The following LEPR variants were observed in gnomAD, a reference collection of about 807,000 sequenced individuals.
LEPR encodes the protein leptin receptor.
Under a neutral mutation model 114.7 loss-of-function variants are expected in LEPR, and 56 were observed. The observed-to-expected ratio is 0.49, with a 90% CI of 0.39 to 0.61. The LOEUF (loss-of-function observed/expected upper bound fraction) is 0.61, where lower values mean the gene tolerates loss of function less well. Ranked by LOEUF, LEPR falls within the 20% of genes least tolerant of loss-of-function variation. LEPR has a pLI of 0.00. For synonymous variants in LEPR, 443 were observed against 461.4 expected (o/e 0.96, Z 0.51); for missense variants, 1,202 against 1,352.9 (o/e 0.89, Z 1.75).
At position 65,592,779 on chromosome 1, in the gene LEPR, A is replaced by T. The variant is rs375719610; in HGVS notation, c.617A>T (p.Asn206Ile). 2 of 1,613,400 alleles carry T rather than the reference A, an allele frequency of 1.2e-6. No individual in the cohort carries two copies. Among genetic ancestry groups the T allele is most frequent in the African/African-American group, 2.7e-5 (2 of 75,000 alleles). Reference sequence around the variant, plus strand: ...GTGCCTGTGCCAACAGCCAAACTCAACGACACTCTCCTTATGTGTTTGAAA... The same window carrying T: ...GTGCCTGTGCCAACAGCCAAACTCATCGACACTCTCCTTATGTGTTTGAAA... Reference protein sequence around the residue: ...CLVPVPTAKLNDTLLMCLKIT... With the variant: ...CLVPVPTAKLIDTLLMCLKIT... The change falls in exon 6 of 20, where the codon AAC (asparagine) becomes ATC (isoleucine). Residue 206 changes from asparagine to isoleucine, a missense_variant. Coordinates refer to ENST00000349533, the MANE Select transcript of LEPR (RefSeq NM_002303.6).
At chr1:65,632,205 C>T (rs1658550470) in intron 19 of LEPR, among the ~76,000 whole-genome samples, 1 of 152,116 alleles carries the variant, frequency 6.6e-6, no homozygotes, top group Non-Finnish European at 1.5e-5. Context: ...AGAAGCATCC[C>T]TAAAGTTGCT....
intron 3 of LEPR, among the ~76,000 whole-genome samples, chr1:65,567,679 A>G (rs146269044): frequency 9.3e-4 from 142 of 152,276 alleles, no homozygotes; most frequent in African/African-American, 3.1e-3. Context: ...TTCACTGATA[A>G]TTGCTTTTGT....
Position 65,616,021 on chromosome 1 carries a change from A to C in LEPR, c.2009A>C (p.Asn670Thr), listed in dbSNP as rs1191502552. The change falls in exon 15 of 20, where the codon AAT becomes ACT. Residue 670 changes from asparagine (N) to threonine (T), a missense_variant. Asn to Thr is a moderately conservative substitution (Grantham distance 65). Transcript: ENST00000349533. ...TATTTACTACAGCCCCTGATGAAAA[A>C]TGACTCATTGTGCAGTGTTCAGAGA... The part of the protein sequence containing the change: ...VTLLWKPLMK[N>T]DSLCSVQRYV... 1 of 1,614,150 alleles carries C rather than the reference A, an allele frequency of 6.2e-7. No individual in the cohort carries two copies. Among genetic ancestry groups the C allele is most frequent in the Non-Finnish European group, 8.5e-7 (1 of 1,179,996 alleles).
intron 5 of LEPR, among the ~76,000 whole-genome samples, chr1:65,574,860 A>G (rs1570730890): frequency 1.3e-5 from 2 of 152,148 alleles, no homozygotes; most frequent in South Asian, 4.1e-4. Context: ...ATATGTACGG[A>G]TTTGGCAGTG....
At chr1:65,490,815 C>T (rs1018162877) in intron 2 of LEPR, among the ~76,000 whole-genome samples, 3 of 152,126 alleles carry the variant, frequency 2.0e-5, no homozygotes, top group Non-Finnish European at 4.4e-5. Context: ...GGTCTCCACC[C>T]TCTTGGATGA....
rs183659630 is a variant in LEPR at position 65,493,233 on chromosome 1, G to A, written c.-21+67855G>A. 2.6e-5 allele frequency among the ~76,000 whole-genome samples: 4 copies of A among 151,990 alleles called. No homozygotes were observed. In the East Asian group the frequency reaches 5.8e-4, roughly 22 times the overall value. ...TTTTTGTATTTTGTCGATTCTTCCC[G>A]GACGCTGCCAGTTTTTTGCCCATCT... On this transcript the variant is annotated intron_variant, in intron 2 of 19. Transcript: ENST00000349533.
rs906175815 is a variant in LEPR at position 65,452,028 on chromosome 1, C to G, written c.-21+26650C>G. ...AAGTTGGATTCCTAGGTATTTTATT[C>G]TCTTTGAAGCAATTGTGAATGGGAG... On this transcript the variant is annotated intron_variant, in intron 2 of 19. Transcript: ENST00000349533. Among the ~76,000 whole-genome samples, 10 of 151,090 alleles carry G rather than the reference C, an allele frequency of 6.6e-5. No homozygotes were observed. The East Asian group carries it at 7.8e-4, about 12-fold the overall frequency.
At chr1:65,521,383 T>C (rs1187286574) in intron 2 of LEPR, among the ~76,000 whole-genome samples, 4 of 152,220 alleles carry the variant, frequency 2.6e-5, no homozygotes, top group Non-Finnish European at 5.9e-5. Context: ...AGGCCCACCA[T>C]GATTATCTAG....
At chr1:65,617,545 A>G (rs925051539) in intron 15 of LEPR, among the ~76,000 whole-genome samples, 6 of 152,364 alleles carry the variant, frequency 3.9e-5, no homozygotes, top group South Asian at 2.1e-4. Context: ...CCTTGCAGGC[A>G]TGATAGGAAT....
chr1:65,495,231 A>G (rs1648092401), intron 2 of LEPR, among the ~76,000 whole-genome samples: 1 of 151,964 alleles, frequency 6.6e-6, no homozygotes. Flanking sequence ...AAAGCCAATA[A>G]CCCAAAAGAC....
rs55672943 is a variant in LEPR at position 65,518,873 on chromosome 1, TTTTCTTTC to T, written c.-20-46635_-20-46628del. On this transcript the variant is annotated intron_variant, in intron 2 of 19. Transcript: ENST00000349533. ...TTTTCTCTTTTCTTTCTTTCTTTCTTTTTCTTTCTTTCTTTCTTTCTTTCTTTCTTTCT... is the reference window on the plus strand; with the variant it reads ...TTTTCTCTTTTCTTTCTTTCTTTCTTTTTCTTTCTTTCTTTCTTTCTTTCT... Among the ~76,000 whole-genome samples the T allele has an allele frequency of 8.3e-3, 969 of 117,300 alleles. 9 individuals carry two copies. Among genetic ancestry groups the T allele is most frequent in the East Asian group, 0.023 (101 of 4,354 alleles). The allele number at this position is 117,300 out of a possible 152,430, so 77.0% of individuals were successfully genotyped here.
chr1:65,468,896 G>A lies in LEPR; in HGVS notation c.-21+43518G>A, dbSNP rs187039127. Among the ~76,000 whole-genome samples the A allele has an allele frequency of 1.8e-3, 281 of 152,314 alleles. 1 individual carries two copies. Among genetic ancestry groups the A allele is most frequent in the African/African-American group, 6.3e-3 (262 of 41,570 alleles). On this transcript the variant is annotated intron_variant, in intron 2 of 19. Transcript: ENST00000349533. ...GAGCTATGCTTAATAGGAGACACAA[G>A]CCTCAAATAGCAGAACAGCTGCTGC... is the stretch of plus-strand genomic sequence containing the variant.
chr1:65,628,005 G>T (rs1557705320), intron 19 of LEPR, among the ~76,000 whole-genome samples: 1 of 151,592 alleles, frequency 6.6e-6, no homozygotes, highest in Non-Finnish European at 1.5e-5. Flanking sequence ...CCTTCCCCTT[G>T]GTTTATATTA....
chr1:65,440,698 A>G (rs1194258163), intron 2 of LEPR, among the ~76,000 whole-genome samples: 1 of 152,016 alleles, frequency 6.6e-6, no homozygotes, highest in African/African-American at 2.4e-5. Context: ...GGGAGATAAG[A>G]TAATGTGTGT....
chr1:65,527,873 C>T (rs6697315), intron 2 of LEPR, among the ~76,000 whole-genome samples: 91,883 of 151,896 alleles, frequency 0.6, 28,665 homozygotes, highest in Middle Eastern at 0.74. Context: ...AACAGGGAAT[C>T]GTAGAACTCA....
intron 2 of LEPR, chr1:65,429,938 T>A (rs1488169996): frequency 1.3e-6 from 2 of 1,570,202 alleles, no homozygotes. Context: ...AAGAGTCACC[T>A]ATGACTCAGA....
At chr1:65,440,029 AAG>A (rs1208779198) in intron 2 of LEPR, among the ~76,000 whole-genome samples, 2 of 150,596 alleles carry the variant, frequency 1.3e-5, no homozygotes, top group African/African-American at 2.4e-5. Context: ...AAAAAAGAAA[AAG>A]AAAATTGACA....
Position 65,605,109 on chromosome 1 carries a change from G to A in LEPR, c.1475G>A (p.Ser492Asn), listed in dbSNP as rs774950947. The change falls in exon 11 of 20, where the codon AGT (serine) becomes AAT (asparagine). Residue 492 changes from serine (S) to asparagine (N), a missense_variant. By Grantham distance (46) the Ser-to-Asn change is conservative. Coordinates refer to ENST00000349533, the MANE Select transcript of LEPR (RefSeq NM_002303.6). ...GAGCCCAAAGATTGCTATTTGCAGAGTGATGGTTTTTATGAATGCATTTTC... is the reference window on the plus strand; with the variant it reads ...GAGCCCAAAGATTGCTATTTGCAGAATGATGGTTTTTATGAATGCATTTTC... ...ISEPKDCYLQ[S>N]DGFYECIFQP... is the part of the protein sequence containing the mutation. The A allele has an allele frequency of 6.2e-6, 10 of 1,614,116 alleles. No individual in the cohort carries two copies. The highest frequency in any genetic ancestry group is 1.1e-5 in the South Asian group (1 of 91,084).
At chr1:65,537,688 C>T (rs1650875775) in intron 2 of LEPR, among the ~76,000 whole-genome samples, 1 of 152,152 alleles carries the variant, frequency 6.6e-6, no homozygotes, top group South Asian at 2.1e-4. Flanking sequence ...CTCCTCTCAC[C>T]ATCTCTCCTT....
Sources: allele counts gnomAD v4.1 joint callset (sites outside exome capture counted in the v4.1 genomes callset), GRCh38; gene constraint gnomAD v4.1.1; transcripts MANE v1.5; gene names NCBI Gene and HGNC (gene_info 2026-07-23, HGNC 2026-07-21).